Variants in NELL2 observed in about 807,000 individuals in gnomAD.
NELL2 encodes the protein neural EGFL like 2, also known as protein kinase C-binding protein NELL2.
Under a neutral mutation model 109.6 loss-of-function variants are expected in NELL2, and 41 were observed. That is an observed-to-expected ratio of 0.37 (90% CI 0.29 to 0.49). The LOEUF is 0.49. Among genes scored for constraint, NELL2 ranks in the 20% least tolerant of loss-of-function variants. The probability of loss-of-function intolerance (pLI) is 0.98; values close to 1 mark genes in which losing one functional copy is unlikely to be tolerated. For synonymous variants in NELL2, 355 were observed against 344.7 expected (o/e 1.03, Z -0.33); for missense variants, 900 against 1,008.3 (o/e 0.89, Z 1.45).
In NELL2 at chr12:44,666,068, T is replaced by C. The variant is rs145981004; in HGVS notation, c.1319-459A>G. ...GAATTGTAACAACTTCACTTAAAGA[T>C]ATGAAGCCAATTGCACAAGCTTATT... On this transcript the variant is annotated intron_variant, in intron 12 of 19. Coordinates refer to ENST00000429094, the MANE Select transcript of NELL2 (RefSeq NM_001145108.2). Among the ~76,000 whole-genome samples, 185 of 152,314 alleles carry C rather than the reference T, an allele frequency of 1.2e-3. 3 individuals are homozygous for C. The East Asian group carries it at 0.026, about 22-fold the overall frequency.
In NELL2 at chr12:44,639,098, T is replaced by C. The variant is rs189538944; in HGVS notation, c.1444+26386A>G. ...ACATTTAAACCACCTATTAATTCAG[T>C]TGAGCAAAATTTCAAATGCTGAATA... On this transcript the variant is annotated intron_variant, in intron 13 of 19. Coordinates refer to ENST00000429094, the MANE Select transcript of NELL2 (RefSeq NM_001145108.2). Among the ~76,000 whole-genome samples the C allele has an allele frequency of 2.9e-3, 449 of 152,302 alleles. 3 individuals are homozygous for C. Among genetic ancestry groups the C allele is most frequent in the African/African-American group, 0.01 (424 of 41,584 alleles).
chr12:44,541,258 AAAAAAAAAG>A (rs1441564174), intron 15 of NELL2, among the ~76,000 whole-genome samples: 10 of 150,264 alleles, frequency 6.7e-5, no homozygotes, highest in Non-Finnish European at 1.3e-4. Context: ...CTCAAAAAAA[AAAAAAAAAG>A]AAAAAAAAAA....
chr12:44,635,619 C>T (rs970600687), intron 13 of NELL2, among the ~76,000 whole-genome samples: 3 of 152,052 alleles, frequency 2.0e-5, no homozygotes, highest in African/African-American at 4.8e-5. Flanking sequence ...TTTCTGAGGC[C>T]TCTGTTCTGT....
At chr12:44,536,437 T>G (rs1384140775) in intron 15 of NELL2, among the ~76,000 whole-genome samples, 4 of 152,030 alleles carry the variant, frequency 2.6e-5, no homozygotes, top group Non-Finnish European at 5.9e-5. Flanking sequence ...CTTGGGTACT[T>G]TCTTTAGGTT....
chr12:44,876,942 G>A, upstream of NELL2: 11 of 1,199,300 alleles, frequency 9.2e-6, no homozygotes, highest in Non-Finnish European at 1.1e-5. Flanking sequence ...AGCTTCCCCG[G>A]CGCGGAGAGC....
rs138375528 is a variant in NELL2, at chr12:44,512,841, G to A, written c.2401-3857C>T. Among the ~76,000 whole-genome samples, 1,342 of 151,996 alleles carry A rather than the reference G, an allele frequency of 8.8e-3. 8 individuals are homozygous for A. The highest frequency in any genetic ancestry group is 0.027 in the Middle Eastern group (8 of 294). ...GGGGAGAGGAGGATAGGAAGATGTT[G>A]GTTAAAGTATACAAAATTACACAGC... On this transcript the variant is annotated intron_variant, in intron 19 of 19. Coordinates refer to ENST00000429094, the MANE Select transcript of NELL2 (RefSeq NM_001145108.2).
At chr12:44,902,966 G>C (rs559920665) in intron 1 of NELL2, among the ~76,000 whole-genome samples, 54 of 152,164 alleles carry the variant, frequency 3.5e-4, no homozygotes, top group Non-Finnish European at 5.9e-4. Context: ...GAAAACCTAG[G>C]CAATACCATT....
chr12:44,536,621 T>C (rs1480515989), intron 15 of NELL2, among the ~76,000 whole-genome samples: 1 of 152,072 alleles, frequency 6.6e-6, no homozygotes, highest in East Asian at 1.9e-4. Context: ...TAAGCTTATA[T>C]GACTTAGTCT....
At chr12:44,901,277 C>CAA (rs781026119) in intron 1 of NELL2, among the ~76,000 whole-genome samples, 1 of 152,108 alleles carries the variant, frequency 6.6e-6, no homozygotes, top group East Asian at 1.9e-4. Flanking sequence ...AATACATCTA[C>CAA]ACAAATAAAC....
At chr12:44,663,288 C>G (rs1947813064) in intron 13 of NELL2, among the ~76,000 whole-genome samples, 1 of 152,124 alleles carries the variant, frequency 6.6e-6, no homozygotes, top group Admixed American at 6.5e-5. Flanking sequence ...TCACCTGACT[C>G]TGGACTAAAA....
intron 2 of NELL2, among the ~76,000 whole-genome samples, chr12:44,834,949 G>A (rs1194352909): frequency 6.6e-6 from 1 of 152,142 alleles, no homozygotes; most frequent in African/African-American, 2.4e-5. Context: ...TCAGGGACTA[G>A]CAGATTGAGG....
chr12:44,805,351 CTA>C (rs1465839256), intron 3 of NELL2, among the ~76,000 whole-genome samples: 2 of 151,794 alleles, frequency 1.3e-5, no homozygotes, highest in African/African-American at 4.8e-5. Flanking sequence ...TCTTATAAAA[CTA>C]TATTAATCAG....
chr12:44,873,083 C>T (rs919999363), intron 2 of NELL2, among the ~76,000 whole-genome samples: 1 of 152,148 alleles, frequency 6.6e-6, no homozygotes, highest in Admixed American at 6.5e-5. Context: ...ATCACAAGAG[C>T]ATAATCAATA....
chr12:44,919,409 G>A (rs1278290676), intron 1 of NELL2, among the ~76,000 whole-genome samples: 1 of 152,038 alleles, frequency 6.6e-6, no homozygotes, highest in Non-Finnish European at 1.5e-5. Context: ...TGTTATTATT[G>A]TGGGTTGCAC....
chr12:44,655,749 T>C (rs1811512), intron 13 of NELL2, among the ~76,000 whole-genome samples: 4,241 of 152,192 alleles, frequency 0.028, 169 homozygotes, highest in African/African-American at 0.092. Context: ...GCCTGGTATT[T>C]TAATTTGCTT....
intron 3 of NELL2, among the ~76,000 whole-genome samples, chr12:44,794,070 G>C (rs1462680046): frequency 6.6e-6 from 1 of 152,060 alleles, no homozygotes; most frequent in East Asian, 1.9e-4. Context: ...TCCCCTTCCT[G>C]CCTCCCTACC....
At chr12:44,556,895 T>C (rs1474654077) in intron 15 of NELL2, among the ~76,000 whole-genome samples, 1 of 152,094 alleles carries the variant, frequency 6.6e-6, no homozygotes, top group Non-Finnish European at 1.5e-5. Context: ...GGCAGGTGCA[T>C]ATTTTTGTGA....
At chr12:44,887,353 C>T (rs1319564805) in intron 1 of NELL2, among the ~76,000 whole-genome samples, 1 of 151,890 alleles carries the variant, frequency 6.6e-6, no homozygotes, top group African/African-American at 2.4e-5. Context: ...CCATACTTTT[C>T]TCAAAAGTGG....
chr12:44,599,532 C>T (rs1748676314), intron 15 of NELL2, among the ~76,000 whole-genome samples: 1 of 151,830 alleles, frequency 6.6e-6, no homozygotes, highest in Non-Finnish European at 1.5e-5. Flanking sequence ...GAAAAATTAT[C>T]AAAGGCACAA....
Sources: gnomAD v4.1 joint callset for allele counts (sites outside exome capture counted in the v4.1 genomes callset) on GRCh38, gnomAD v4.1.1 for gene constraint, MANE v1.5 for transcripts, NCBI Gene and HGNC (gene_info 2026-07-23, HGNC 2026-07-21) for gene names.